RBM22: variants seen among roughly 807,000 people sequenced by gnomAD.
RBM22 encodes the protein pre-mRNA-splicing factor RBM22.
A neutral mutation model predicts 50.1 loss-of-function variants in RBM22; 1 was observed. That is an observed-to-expected ratio of 0.02 (90% CI 0.01 to 0.09). RBM22 has a LOEUF of 0.09. Ranked by LOEUF, RBM22 falls within the 10% of genes least tolerant of loss-of-function variation. The pLI is 1.00. For missense variants in RBM22, 264 were observed against 529.3 expected, an observed-to-expected ratio of 0.50 and a Z score of 4.92; for synonymous variants, 152 against 179.0, an observed-to-expected ratio of 0.85 and a Z score of 1.20.
At chr5:150,695,432 C>T (rs1759263491) in intron 7 of RBM22, 74 bp downstream of exon 7, 3 of 1,212,006 alleles carry the variant, frequency 2.5e-6, no homozygotes, top group Non-Finnish European at 3.6e-6. Flanking sequence ...AATGATCATT[C>T]TTGCAGTTTT....
chr5:150,693,850 C>T (rs2151456099), intron 8 of RBM22, among the ~76,000 whole-genome samples: 1 of 152,250 alleles, frequency 6.6e-6, no homozygotes. Context: ...AAACATGAAC[C>T]TTCAAAGGAG....
chr5:150,692,733 C>A (rs1188216115), intron 10 of RBM22, among the ~76,000 whole-genome samples, 162 bp downstream of exon 10: 5 of 152,176 alleles, frequency 3.3e-5, no homozygotes, highest in African/African-American at 1.2e-4. Context: ...CTCGGCAGAG[C>A]AGGAGAAAGA....
rs1759280839 is a variant in RBM22, at chr5:150,696,739, A to T, written c.373-34T>A. ...GGATGACAAATTCAAAAGATAAATT[A>T]TACAGACTGTGTCAATTCATTAGGA... On this transcript the variant is annotated intron_variant, in intron 5 of 10. Transcript: ENST00000199814. This position sits in a 1 kb window ranked among gnomAD's most constrained non-coding sequence, Gnocchi z 4.3. 1 of 1,613,846 alleles carries T rather than the reference A, an allele frequency of 6.2e-7. No homozygotes were observed. The highest frequency in any genetic ancestry group is 1.3e-5 in the African/African-American group (1 of 74,934).
In RBM22 at chr5:150,701,025, G is replaced by T; in HGVS notation, c.-40C>A. The T allele has an allele frequency of 1.9e-6, 3 of 1,611,984 alleles. No homozygotes were observed. The highest frequency in any genetic ancestry group is 2.5e-6 in the Non-Finnish European group (3 of 1,178,614). On this transcript the variant is annotated 5_prime_UTR_variant, in exon 1 of 11. Transcript: ENST00000199814. ...GAGGTAGCTGTAGCTTCCGAATTGGGAGAGAGGACCGCCACAATCCCGTCA... is the reference window on the plus strand; with the variant it reads ...GAGGTAGCTGTAGCTTCCGAATTGGTAGAGAGGACCGCCACAATCCCGTCA...
In RBM22 at chr5:150,700,717, G is replaced by A. The variant is rs757981722; in HGVS notation, c.54+215C>T. On this transcript the variant is annotated intron_variant, in intron 1 of 10. Coordinates refer to ENST00000199814, the MANE Select transcript of RBM22 (RefSeq NM_018047.3). ...GCTCTAATAGGCTGGAGGGGGCAGGGATGGAAAGGGTGCTGGTCCCGGGAC... is the reference window on the plus strand; with the variant it reads ...GCTCTAATAGGCTGGAGGGGGCAGGAATGGAAAGGGTGCTGGTCCCGGGAC... 1.7e-5 allele frequency: 26 copies of A among 1,534,580 alleles called. 1 individual carries two copies. The South Asian group carries it at 3.0e-4, about 18-fold the overall frequency.
chr5:150,694,212 G>T lies in RBM22; in HGVS notation c.775C>A (p.Arg259=). The change falls in exon 8 of 11, where the codon CGG becomes AGG. Residue 259 remains arginine, a synonymous_variant. Coordinates refer to ENST00000199814, the MANE Select transcript of RBM22 (RefSeq NM_018047.3). The part of the protein sequence containing the change: ...RNHFYQFGEI[R]TITVVQRQQC... Reference sequence around the variant, plus strand: ...TGTCTCTGCACAACAGTGATCGTCCGGATCTCTCCGAACTGGTAGAAATGA... The same window carrying T: ...TGTCTCTGCACAACAGTGATCGTCCTGATCTCTCCGAACTGGTAGAAATGA... The T allele has an allele frequency of 6.2e-7, 1 of 1,613,474 alleles. No individual in the cohort carries two copies. The highest frequency in any genetic ancestry group is 8.5e-7 in the Non-Finnish European group (1 of 1,179,814).
rs375056561 is a variant in RBM22, at chr5:150,695,561, T to C, written c.691A>G (p.Ile231Val). The change falls in exon 7 of 11, where the codon ATC (isoleucine) becomes GTC (valine). Residue 231 changes from isoleucine to valine, a missense_variant. Physicochemically the swap from Ile to Val is conservative, Grantham distance 29. Around this residue, in one of 7 missense-constraint regions of RBM22, gnomAD observed 62 missense variants for 102.6 expected, o/e 0.60. Coordinates refer to ENST00000199814, the MANE Select transcript of RBM22 (RefSeq NM_018047.3). ...PRLDPPEDKT[I>V]TTLYVGGLGD... ...AGACCACCAACATATAGTGTGGTGATAGTTTTATCCTCTGGTGGGTCCAGC... is the reference window on the plus strand; with the variant it reads ...AGACCACCAACATATAGTGTGGTGACAGTTTTATCCTCTGGTGGGTCCAGC... The C allele has an allele frequency of 1.2e-6, 2 of 1,614,112 alleles. No individual in the cohort carries two copies. The highest frequency in any genetic ancestry group is 2.2e-5 in the East Asian group (1 of 44,874).
intron 4 of RBM22, among the ~76,000 whole-genome samples, chr5:150,697,451 AT>A (rs34594601): frequency 6.6e-6 from 1 of 152,094 alleles, no homozygotes; most frequent in Non-Finnish European, 1.5e-5. Flanking sequence ...ATAAAAGAAA[AT>A]TTTTAGATGA....
At chr5:150,692,496 C>T (rs1759220920) in intron 10 of RBM22, among the ~76,000 whole-genome samples, 1 of 152,048 alleles carries the variant, frequency 6.6e-6, no homozygotes, top group African/African-American at 2.4e-5. Flanking sequence ...GGAAGGGGTT[C>T]ACTGATTACA....
chr5:150,697,809 T>C, intron 4 of RBM22: 1 of 279,840 alleles, frequency 3.6e-6, no homozygotes, highest in South Asian at 3.0e-5. Flanking sequence ...AAAAAAAAAA[T>C]TACTCCCAAA....
chr5:150,697,017 G>C, intron 4 of RBM22, 126 bp from the exon 5 acceptor site: 1 of 889,028 alleles, frequency 1.1e-6, no homozygotes, highest in Non-Finnish European at 1.7e-6. Flanking sequence ...ACTTTACTAT[G>C]TTTTTATTCA....
intron 6 of RBM22, among the ~76,000 whole-genome samples, chr5:150,695,989 G>A (rs3797619): frequency 0.076 from 10,936 of 143,764 alleles, 471 homozygotes; most frequent in East Asian, 0.17. Context: ...ACCCCCTCCC[G>A]CCCCCCAGAA....
Position 150,691,778 on chromosome 5 carries a change from A to G in RBM22, c.1236T>C (p.Ala412=). 3 of 1,593,904 alleles carry G rather than the reference A, an allele frequency of 1.9e-6. No individual in the cohort carries two copies. Among genetic ancestry groups the G allele is most frequent in the Non-Finnish European group, 2.6e-6 (3 of 1,169,986 alleles). The part of the protein sequence containing the change: ...YPSQDPQRMG[A]HAGKHSSP ...AGGGGCTGCTGTGTTTTCCAGCATGAGCTCCCATCCTCTGAGGGTCCTGAG... is the reference window on the plus strand; with the variant it reads ...AGGGGCTGCTGTGTTTTCCAGCATGGGCTCCCATCCTCTGAGGGTCCTGAG... The change falls in exon 11 of 11, where the codon GCT becomes GCC. Residue 412 remains alanine, a synonymous_variant. Coordinates refer to ENST00000199814, the MANE Select transcript of RBM22 (RefSeq NM_018047.3).
At chr5:150,695,971 C>T (rs1345432466) in intron 6 of RBM22, among the ~76,000 whole-genome samples, 1 of 148,128 alleles carries the variant, frequency 6.8e-6, no homozygotes, top group Non-Finnish European at 1.5e-5. Flanking sequence ...ATACTCTTGA[C>T]ATGATCCACC....
intron 1 of RBM22, 69 bp from the exon 2 acceptor site, chr5:150,700,566 G>A: frequency 6.2e-7 from 1 of 1,609,508 alleles, no homozygotes; most frequent in South Asian, 1.1e-5. Context: ...GACACTTGGG[G>A]TGGCGAGGGG....
In RBM22 at chr5:150,696,309, T is replaced by A. The variant is rs2151456932; in HGVS notation, c.545+224A>T. Among the ~76,000 whole-genome samples the A allele has an allele frequency of 6.6e-6, 1 of 152,282 alleles. No individual in the cohort carries two copies. The highest frequency in any genetic ancestry group is 2.1e-4 in the South Asian group (1 of 4,820). The stretch of plus-strand genomic sequence containing the variant: ...CAGGCAGAAATGTTTAGGGTCAGCA[T>A]CTATATTGTATGGCATAGCAATTTA... On this transcript the variant is annotated intron_variant, in intron 6 of 10. Coordinates refer to ENST00000199814, the MANE Select transcript of RBM22 (RefSeq NM_018047.3). The surrounding 1 kb of genome is among the most constrained non-coding windows in gnomAD (Gnocchi z 4.3).
chr5:150,699,828 G>A (rs1759322222), intron 2 of RBM22, among the ~76,000 whole-genome samples: 1 of 152,188 alleles, frequency 6.6e-6, no homozygotes, highest in Admixed American at 6.5e-5. Context: ...CTGTAGACTT[G>A]TCCTGTGCCA....
At chr5:150,699,607 A>G (rs1236011838) in intron 2 of RBM22, among the ~76,000 whole-genome samples, 1 of 152,250 alleles carries the variant, frequency 6.6e-6, no homozygotes, top group Non-Finnish European at 1.5e-5. Context: ...CAACATAGCG[A>G]GATGCTGTCT....
Position 150,692,035 on chromosome 5 carries a change from T to C in RBM22, c.1133-154A>G, listed in dbSNP as rs145197009. On this transcript the variant is annotated intron_variant, in intron 10 of 10. Coordinates refer to ENST00000199814, the MANE Select transcript of RBM22 (RefSeq NM_018047.3). ...CAGTTCACAAACTTACTTCCACTTGTTATTTCCTTGGTTTTAGAAACCTTT... is the reference window on the plus strand; with the variant it reads ...CAGTTCACAAACTTACTTCCACTTGCTATTTCCTTGGTTTTAGAAACCTTT... 6.6e-5 allele frequency among the ~76,000 whole-genome samples: 10 copies of C among 152,336 alleles called. No homozygotes were observed. In the East Asian group the frequency reaches 1.9e-3, roughly 29 times the overall value.
Sources: allele counts gnomAD v4.1 joint callset (sites outside exome capture counted in the v4.1 genomes callset), GRCh38; gene constraint gnomAD v4.1.1; regional missense constraint gnomAD v4.1.1; non-coding constraint Gnocchi (gnomAD v3.1); transcripts MANE v1.5; gene names NCBI Gene and HGNC (gene_info 2026-07-23, HGNC 2026-07-21).